Variants in SAMD5 observed in about 807,000 individuals in gnomAD.
SAMD5 encodes sterile alpha motif domain-containing protein 5.
A neutral mutation model predicts 11.3 loss-of-function variants in SAMD5; 13 were observed. The observed-to-expected ratio is 1.15, with a 90% CI of 0.75 to 1.83. The LOEUF (loss-of-function observed/expected upper bound fraction) is 1.83. Ranked by LOEUF, SAMD5 falls within the 40% of genes most tolerant of loss-of-function variation. SAMD5 has a pLI of 0.00. For missense variants in SAMD5, 255 were observed against 239.1 expected (o/e 1.07, Z -0.44); for synonymous variants, 129 against 111.3 (o/e 1.16, Z -1.00).
At chr6:147,924,327 G>A in the SAMD5 span, among the ~76,000 whole-genome samples, 6 of 152,076 alleles carry the variant, frequency 3.9e-5, no homozygotes, top group Admixed American at 2.6e-4. Flanking sequence ...CAATGTAACT[G>A]AACTACATTT....
At chr6:147,562,828 AAAT>A in intron 1 of SAMD5, among the ~76,000 whole-genome samples, 1 of 152,034 alleles carries the variant, frequency 6.6e-6, no homozygotes. Flanking sequence ...TCTCAAAAAA[AAAT>A]AAATAAATAA....
the SAMD5 span, among the ~76,000 whole-genome samples, chr6:147,855,924 A>G: frequency 2.0e-5 from 3 of 152,228 alleles, no homozygotes; most frequent in Non-Finnish European, 4.4e-5. Context: ...CCACTACAAG[A>G]TATTTATCCA....
the SAMD5 span, among the ~76,000 whole-genome samples, chr6:147,812,976 C>T: frequency 6.6e-6 from 1 of 152,172 alleles, no homozygotes; most frequent in African/African-American, 2.4e-5. Context: ...GGTGACAGAA[C>T]GCAGATCCAT....
chr6:147,870,933 A>G, the SAMD5 span, among the ~76,000 whole-genome samples: 3 of 152,182 alleles, frequency 2.0e-5, no homozygotes, highest in African/African-American at 7.2e-5. Flanking sequence ...TTTTGAGGAT[A>G]AAGTCCACAT....
intron 1 of SAMD5, among the ~76,000 whole-genome samples, chr6:147,608,180 C>G (rs1183146817): frequency 6.6e-6 from 1 of 152,202 alleles, no homozygotes; most frequent in Non-Finnish European, 1.5e-5. Flanking sequence ...CCCTCATACA[C>G]TGTTGGTGGG....
chr6:147,624,076 G>C (rs1471049926), intron 1 of SAMD5, among the ~76,000 whole-genome samples: 1 of 152,046 alleles, frequency 6.6e-6, no homozygotes, highest in Non-Finnish European at 1.5e-5. Context: ...TGCCATGTTG[G>C]CCAGACTGCT....
chr6:147,785,709 G>C, the SAMD5 span, among the ~76,000 whole-genome samples: 1 of 152,144 alleles, frequency 6.6e-6, no homozygotes, highest in Non-Finnish European at 1.5e-5. Flanking sequence ...TGCTTAATGA[G>C]TACAAGGGAC....
intron 1 of SAMD5, among the ~76,000 whole-genome samples, chr6:147,707,939 T>C (rs1394347128): frequency 6.6e-6 from 1 of 152,052 alleles, no homozygotes; most frequent in East Asian, 1.9e-4. Flanking sequence ...AGGAGCTCTT[T>C]GCAATCAAAA....
At chr6:147,647,006 AATAATAAT>A (rs1187946136) in intron 1 of SAMD5, among the ~76,000 whole-genome samples, 17 of 135,360 alleles carry the variant, frequency 1.3e-4, no homozygotes, top group African/African-American at 4.0e-4. Context: ...TAATAATAAT[AATAATAAT>A]AAAATAGCTG....
chr6:147,875,700 C>T, the SAMD5 span, among the ~76,000 whole-genome samples: 48 of 152,030 alleles, frequency 3.2e-4, no homozygotes, highest in Non-Finnish European at 5.9e-4. Flanking sequence ...TCAGTGGCCG[C>T]GTTAGATTTT....
At chr6:147,644,370 A>C (rs1266089864) in intron 1 of SAMD5, among the ~76,000 whole-genome samples, 1 of 152,236 alleles carries the variant, frequency 6.6e-6, no homozygotes, top group African/African-American at 2.4e-5. Flanking sequence ...GGACAAAGAC[A>C]GTTTACTCAC....
the SAMD5 span, among the ~76,000 whole-genome samples, chr6:147,953,047 A>G: frequency 1.3e-5 from 2 of 151,774 alleles, no homozygotes; most frequent in Non-Finnish European, 2.9e-5. Flanking sequence ...ATGTGCCTTT[A>G]TCCTCACTGA....
chr6:147,915,002 A>T, the SAMD5 span, among the ~76,000 whole-genome samples: 2 of 152,228 alleles, frequency 1.3e-5, no homozygotes, highest in Non-Finnish European at 2.9e-5. Flanking sequence ...ATCAAAGCAG[A>T]CTAAAGAGAC....
chr6:147,731,620 C>T (rs1365960989), intron 1 of SAMD5, among the ~76,000 whole-genome samples: 1 of 137,578 alleles, frequency 7.3e-6, no homozygotes, highest in Non-Finnish European at 1.5e-5. Context: ...TTACTGTTAA[C>T]ACTTTACCCT....
the SAMD5 span, among the ~76,000 whole-genome samples, chr6:147,775,293 A>G: frequency 9.9e-5 from 15 of 152,178 alleles, no homozygotes; most frequent in African/African-American, 3.4e-4. Context: ...GTAAGCCTCA[A>G]TTTTCTCATC....
At chr6:147,908,429 A>C in the SAMD5 span, among the ~76,000 whole-genome samples, 8 of 152,092 alleles carry the variant, frequency 5.3e-5, no homozygotes, top group African/African-American at 1.9e-4. Context: ...AGTGGAAGTA[A>C]ATGGGGTTCT....
the SAMD5 span, among the ~76,000 whole-genome samples, chr6:147,766,761 A>T: frequency 6.6e-6 from 1 of 152,204 alleles, no homozygotes; most frequent in African/African-American, 2.4e-5. Context: ...GAGTTGACAG[A>T]ATGACACTTG....
the SAMD5 span, among the ~76,000 whole-genome samples, chr6:147,858,861 G>T: frequency 6.6e-6 from 1 of 152,146 alleles, no homozygotes; most frequent in Non-Finnish European, 1.5e-5. Flanking sequence ...CATGTGCCAC[G>T]CACTATTCTT....
intron 1 of SAMD5, among the ~76,000 whole-genome samples, chr6:147,709,845 G>T (rs925594266): frequency 1.5e-4 from 23 of 152,094 alleles, no homozygotes; most frequent in African/African-American, 5.1e-4. Flanking sequence ...GACTTCAAAG[G>T]CTTCATTTGT....
Sources: gnomAD v4.1 joint callset for allele counts (sites outside exome capture counted in the v4.1 genomes callset) on GRCh38, gnomAD v4.1.1 for gene constraint, MANE v1.5 for transcripts, NCBI Gene and HGNC (gene_info 2026-07-23, HGNC 2026-07-21) for gene names.